MRPL1: variants seen among roughly 807,000 people sequenced by gnomAD.
The protein encoded by MRPL1 is mitochondrial ribosomal protein L1.
MRPL1 carries 28 observed loss-of-function variants against 38.0 expected under a neutral mutation model. The observed-to-expected ratio is 0.74, with a 90% CI of 0.55 to 1.01. The LOEUF (loss-of-function observed/expected upper bound fraction) is 1.01, where lower values mean the gene tolerates loss of function less well. Among genes scored for constraint, MRPL1 ranks in the 50% least tolerant of loss-of-function variants. The pLI, the probability that MRPL1 is intolerant of heterozygous loss-of-function variation, is 0.00. For synonymous variants in MRPL1, 123 were observed against 126.7 expected, an observed-to-expected ratio of 0.97 and a Z score of 0.20; for missense variants, 358 against 389.8, an observed-to-expected ratio of 0.92 and a Z score of 0.69.
At chr4:77,910,422 A>G (rs1736259044) in intron 7 of MRPL1, among the ~76,000 whole-genome samples, 1 of 152,226 alleles carries the variant, frequency 6.6e-6, no homozygotes, top group African/African-American at 2.4e-5. Flanking sequence ...TCAGAAATAT[A>G]GAAAAAGCTG....
chr4:77,881,561 C>T (rs1334350712), intron 2 of MRPL1, among the ~76,000 whole-genome samples: 2 of 151,534 alleles, frequency 1.3e-5, no homozygotes, highest in African/African-American at 4.9e-5. Context: ...TCCAAATCAG[C>T]CTCCTAAGTA....
rs781695123 is a variant in MRPL1 at position 77,887,274 on chromosome 4, A to G, written c.541A>G (p.Thr181Ala). ...AAATGGAGCTGCATTTGCAGGAGGC[A>G]CTAGTCTGATACAGAAGGTACAGTG... Reference protein sequence around the residue: ...EENGAAFAGGTSLIQKIWDDE... With the variant: ...EENGAAFAGGASLIQKIWDDE... Residue 181 changes from threonine to alanine, a missense_variant, in exon 5 of 9, where the codon ACT becomes GCT. Physicochemically the swap from Thr to Ala is moderately conservative, Grantham distance 58. Transcript: ENST00000315567. 8 of 1,613,694 alleles carry G rather than the reference A, an allele frequency of 5.0e-6. No individual in the cohort carries two copies. The highest frequency in any genetic ancestry group is 6.8e-6 in the Non-Finnish European group (8 of 1,179,558).
chr4:77,885,247 T>C lies in MRPL1; in HGVS notation c.403-9T>C. On this transcript the variant is annotated splice_polypyrimidine_tract_variant and intron_variant, in intron 3 of 8. Coordinates refer to ENST00000315567, the MANE Select transcript of MRPL1 (RefSeq NM_020236.4). ...TTTACGTAATTATTTTTCCTTGTCA[T>C]GTGTTTAGAAAAACGTGGAGCCATT... The C allele has an allele frequency of 1.3e-6, 2 of 1,599,560 alleles. No individual in the cohort carries two copies. The highest frequency in any genetic ancestry group is 1.7e-6 in the Non-Finnish European group (2 of 1,166,680).
At chr4:77,917,073 TATC>T (rs1291351699) in intron 7 of MRPL1, among the ~76,000 whole-genome samples, 1 of 152,180 alleles carries the variant, frequency 6.6e-6, no homozygotes, top group East Asian at 1.9e-4. Context: ...GTGTGAACAT[TATC>T]ATTGTTTCTT....
intron 2 of MRPL1, among the ~76,000 whole-genome samples, chr4:77,880,902 G>GT (rs1410416984): frequency 2.6e-5 from 4 of 152,192 alleles, no homozygotes; most frequent in Non-Finnish European, 5.9e-5. Flanking sequence ...TAGTGCATCT[G>GT]TAAGTTTGCA....
At chr4:77,881,314 G>A (rs1735534960) in intron 2 of MRPL1, among the ~76,000 whole-genome samples, 1 of 152,000 alleles carries the variant, frequency 6.6e-6, no homozygotes, top group African/African-American at 2.4e-5. Flanking sequence ...TCCCTCACCA[G>A]AAACCTGTTT....
intron 1 of MRPL1, among the ~76,000 whole-genome samples, chr4:77,868,901 T>C (rs1205885686): frequency 1.3e-5 from 2 of 152,220 alleles, no homozygotes; most frequent in East Asian, 3.9e-4. Flanking sequence ...AAATTTCCTT[T>C]GTTCAAAGAG....
chr4:77,930,745 G>T (rs1736826286), intron 7 of MRPL1, among the ~76,000 whole-genome samples: 1 of 152,184 alleles, frequency 6.6e-6, no homozygotes, highest in Non-Finnish European at 1.5e-5. Flanking sequence ...TTGGTGGCAG[G>T]CTTTAAGTCA....
chr4:77,880,022 A>G (rs1424145892), intron 2 of MRPL1, among the ~76,000 whole-genome samples: 2 of 152,146 alleles, frequency 1.3e-5, no homozygotes, highest in African/African-American at 4.8e-5. Flanking sequence ...AAACTGTTTT[A>G]TTATCATCCA....
intron 7 of MRPL1, among the ~76,000 whole-genome samples, chr4:77,912,380 T>C (rs1204351405): frequency 6.6e-6 from 1 of 152,070 alleles, no homozygotes; most frequent in Non-Finnish European, 1.5e-5. Context: ...AGGTAGAAGC[T>C]CAATGTACAA....
chr4:77,884,483 T>C (rs1372252807), intron 3 of MRPL1, among the ~76,000 whole-genome samples: 1 of 152,206 alleles, frequency 6.6e-6, no homozygotes, highest in Admixed American at 6.5e-5. Context: ...TAGTTCCTGG[T>C]CAAAATGACT....
intron 4 of MRPL1, among the ~76,000 whole-genome samples, 178 bp downstream of exon 4, chr4:77,885,517 C>T (rs1043973270): frequency 2.6e-5 from 4 of 152,120 alleles, no homozygotes; most frequent in African/African-American, 9.7e-5. Flanking sequence ...CAGGTGTGCA[C>T]CACCACGCCC....
At chr4:77,904,971 A>G (rs1318831275) in intron 6 of MRPL1, among the ~76,000 whole-genome samples, 1 of 152,220 alleles carries the variant, frequency 6.6e-6, no homozygotes, top group African/African-American at 2.4e-5. Flanking sequence ...AGCATGAGCT[A>G]TAGAAGAAAA....
At chr4:77,894,584 G>A (rs1735873806) in intron 6 of MRPL1, among the ~76,000 whole-genome samples, 3 of 151,938 alleles carry the variant, frequency 2.0e-5, no homozygotes, top group East Asian at 1.9e-4. Flanking sequence ...AATATAATAT[G>A]TATGCCCATT....
intron 6 of MRPL1, among the ~76,000 whole-genome samples, chr4:77,904,687 G>A (rs1736115006): frequency 6.6e-6 from 1 of 152,200 alleles, no homozygotes; most frequent in African/African-American, 2.4e-5. Flanking sequence ...AATGAAGATA[G>A]ATCAGACACT....
chr4:77,917,679 T>C (rs1736451958), intron 7 of MRPL1, among the ~76,000 whole-genome samples: 1 of 152,182 alleles, frequency 6.6e-6, no homozygotes, highest in Non-Finnish European at 1.5e-5. Context: ...TTATGACCTT[T>C]TTTCCTCAAG....
chr4:77,917,351 T>G (rs1201536229), intron 7 of MRPL1, among the ~76,000 whole-genome samples: 2 of 152,168 alleles, frequency 1.3e-5, no homozygotes, highest in African/African-American at 4.8e-5. Flanking sequence ...AATTGAAGTG[T>G]TCACAAACAC....
At chr4:77,898,698 T>G (rs1243484517) in intron 6 of MRPL1, among the ~76,000 whole-genome samples, 2 of 152,118 alleles carry the variant, frequency 1.3e-5, no homozygotes, top group East Asian at 3.9e-4. Context: ...TTCACCATGT[T>G]GGCCAGGCTG....
At chr4:77,917,188 T>C (rs1466445991) in intron 7 of MRPL1, among the ~76,000 whole-genome samples, 1 of 152,176 alleles carries the variant, frequency 6.6e-6, no homozygotes, top group Non-Finnish European at 1.5e-5. Context: ...CCCACTCTTA[T>C]TCTCCACAAC....
Sources: gnomAD v4.1 joint callset for allele counts (sites outside exome capture counted in the v4.1 genomes callset) on GRCh38, gnomAD v4.1.1 for gene constraint, MANE v1.5 for transcripts, NCBI Gene and HGNC (gene_info 2026-07-23, HGNC 2026-07-21) for gene names.